The following SEC24B variants were observed in gnomAD, a reference collection of about 807,000 sequenced individuals.
The protein encoded by SEC24B is SEC24 homolog B, COPII component.
A neutral mutation model predicts 142.8 loss-of-function variants in SEC24B; 45 were observed. That is an observed-to-expected ratio of 0.32 (90% confidence interval 0.25 to 0.40). SEC24B has a LOEUF of 0.40. Among genes scored for constraint, SEC24B ranks in the 10% least tolerant of loss-of-function variants. The probability of loss-of-function intolerance (pLI) is 1.00; values close to 1 mark genes in which losing one functional copy is unlikely to be tolerated. For missense variants in SEC24B, 1,409 were observed against 1,526.8 expected, an observed-to-expected ratio of 0.92 and a Z score of 1.29; for synonymous variants, 574 against 568.2, an observed-to-expected ratio of 1.01 and a Z score of -0.15.
intron 6 of SEC24B, among the ~76,000 whole-genome samples, chr4:109,498,996 C>G (rs926538143): frequency 6.6e-6 from 1 of 151,868 alleles, no homozygotes; most frequent in South Asian, 2.1e-4. Context: ...GATATAGATA[C>G]TATATAGCTT....
intron 14 of SEC24B, among the ~76,000 whole-genome samples, chr4:109,524,159 A>G (rs1723963136): frequency 6.6e-6 from 1 of 152,128 alleles, no homozygotes; most frequent in Non-Finnish European, 1.5e-5. Flanking sequence ...TTAACTTTCA[A>G]AAATATTCTC....
intron 14 of SEC24B, among the ~76,000 whole-genome samples, chr4:109,522,325 A>G (rs1723726838): frequency 6.6e-6 from 1 of 152,186 alleles, no homozygotes; most frequent in South Asian, 2.1e-4. Flanking sequence ...TGCTGGGATT[A>G]CAGGCGTGAG....
rs561448494 is a variant in SEC24B at position 109,540,561 on chromosome 4, G to A, written c.*886G>A. ...TATTGAATTTACTAATTGGGGAAGT[G>A]CAGTGATACTGCATTTCAGTTAGTA... On this transcript the variant is annotated 3_prime_UTR_variant, in exon 24 of 24. Coordinates refer to ENST00000265175, the MANE Select transcript of SEC24B (RefSeq NM_006323.5). 1.3e-5 allele frequency: 2 copies of A among 152,212 alleles called. No homozygotes were observed. Among genetic ancestry groups the A allele is most frequent in the East Asian group, 1.9e-4 (1 of 5,176 alleles). The allele number at this position is 152,212 out of a possible 1,614,324, so 9.4% of individuals were successfully genotyped here. A position where few individuals can be genotyped will look rare whatever the true frequency, so the allele number is the denominator to read the frequency against.
chr4:109,518,288 A>G (rs1162712208), intron 11 of SEC24B, among the ~76,000 whole-genome samples: 1 of 152,178 alleles, frequency 6.6e-6, no homozygotes, highest in East Asian at 1.9e-4. Flanking sequence ...TTAAAAATGA[A>G]CCATCCAAAT....
At chr4:109,472,763 TTGA>T (rs1380230471) in intron 2 of SEC24B, among the ~76,000 whole-genome samples, 1 of 151,924 alleles carries the variant, frequency 6.6e-6, no homozygotes, top group Non-Finnish European at 1.5e-5. Context: ...ATTAAAATAT[TTGA>T]TGAGTAATTT....
At position 109,473,036 on chromosome 4, in the gene SEC24B, A is replaced by G. The variant is rs1185846552; in HGVS notation, c.910A>G (p.Asn304Asp). 1.9e-6 allele frequency: 3 copies of G among 1,587,028 alleles called. No homozygotes were observed. Among genetic ancestry groups the G allele is most frequent in the South Asian group, 1.2e-5 (1 of 85,758 alleles). Residue 304 changes from asparagine (N) to aspartate (D), a missense_variant, in exon 3 of 24, where the codon AAT (asparagine) becomes GAT (aspartate). Transcript: ENST00000265175. ...TTCTTTATCCTGTCCTGTTATGCAA[A>G]ATGTTCAGCCTCCCAAGTCCAGCCC... ...ADSLSCPVMQ[N>D]VQPPKSSPVV...
chr4:109,537,733 G>C (rs1470474906), intron 22 of SEC24B, among the ~76,000 whole-genome samples: 3 of 152,142 alleles, frequency 2.0e-5, no homozygotes, highest in African/African-American at 7.2e-5. Flanking sequence ...TTTCAAAAAT[G>C]TGTTTGTATA....
intron 14 of SEC24B, among the ~76,000 whole-genome samples, chr4:109,523,602 T>C (rs879592652): frequency 5.3e-5 from 8 of 152,216 alleles, no homozygotes; most frequent in African/African-American, 1.2e-4. Flanking sequence ...AACAAAAATA[T>C]TCATTTTTCT....
chr4:109,521,973 C>T (rs1372044361), intron 14 of SEC24B, among the ~76,000 whole-genome samples: 4 of 152,026 alleles, frequency 2.6e-5, no homozygotes, highest in Non-Finnish European at 5.9e-5. Flanking sequence ...CCTGGTGATC[C>T]GCCTGCCTCA....
At chr4:109,467,611 G>A (rs1239705474) in intron 2 of SEC24B, among the ~76,000 whole-genome samples, 1 of 152,094 alleles carries the variant, frequency 6.6e-6, no homozygotes, top group African/African-American at 2.4e-5. Context: ...AGCAAGATGA[G>A]TACCAAAACT....
chr4:109,539,442 C>G (rs1285694844), intron 23 of SEC24B, 119 bp from the exon 24 acceptor site: 2 of 673,442 alleles, frequency 3.0e-6, no homozygotes, highest in African/African-American at 3.7e-5. Flanking sequence ...GAAATATGCA[C>G]TTTTATTTTA....
At chr4:109,501,952 A>G (rs1275885800) in intron 6 of SEC24B, among the ~76,000 whole-genome samples, 1 of 152,176 alleles carries the variant, frequency 6.6e-6, no homozygotes, top group Non-Finnish European at 1.5e-5. Context: ...TAAGTAAACA[A>G]ATAAAGAATT....
At chr4:109,439,670 T>A (rs1483634533) in intron 1 of SEC24B, among the ~76,000 whole-genome samples, 4 of 150,006 alleles carry the variant, frequency 2.7e-5, no homozygotes, top group African/African-American at 9.8e-5. Flanking sequence ...CCTGGCTAAT[T>A]TTGTATTTTT....
rs1479373345 is a variant in SEC24B at position 109,453,081 on chromosome 4, A to C, written c.134-9820A>C. ...GGTTCTGTGATGCCCCCTGAACCCT[A>C]AAACCAGCAAGTTTTTATTAGCAAT... is the stretch of plus-strand genomic sequence containing the variant. On this transcript the variant is annotated intron_variant, in intron 1 of 23. Transcript: ENST00000265175. Among the ~76,000 whole-genome samples, 4 of 152,180 alleles carry C rather than the reference A, an allele frequency of 2.6e-5. No individual in the cohort carries two copies. The East Asian group carries it at 7.7e-4, about 29-fold the overall frequency.
chr4:109,479,696 A>G (rs1405831995), intron 3 of SEC24B, among the ~76,000 whole-genome samples: 1 of 152,154 alleles, frequency 6.6e-6, no homozygotes, highest in Non-Finnish European at 1.5e-5. Flanking sequence ...GAGCCTCCCA[A>G]AGTGCTGGGA....
chr4:109,530,895 C>CA (rs35997146), intron 19 of SEC24B, among the ~76,000 whole-genome samples: 1,863 of 45,984 alleles, frequency 0.041, 85 homozygotes, highest in Non-Finnish European at 0.049. Context: ...GACTCCGTCT[C>CA]AAAAAAAAAA....
At chr4:109,436,019 A>C (rs138779093) in intron 1 of SEC24B, among the ~76,000 whole-genome samples, 99 of 152,326 alleles carry the variant, frequency 6.5e-4, no homozygotes, top group African/African-American at 2.3e-3. Context: ...TGGGAAGCCA[A>C]GGCATCGAAG....
chr4:109,445,718 A>G (rs1265001032), intron 1 of SEC24B, among the ~76,000 whole-genome samples: 1 of 151,542 alleles, frequency 6.6e-6, no homozygotes, highest in Non-Finnish European at 1.5e-5. Flanking sequence ...ACAGGCACAA[A>G]CCACCACACC....
At chr4:109,492,469 G>A (rs1735117580) in intron 5 of SEC24B, among the ~76,000 whole-genome samples, 1 of 152,178 alleles carries the variant, frequency 6.6e-6, no homozygotes. Context: ...GTCTAGTGTA[G>A]TATAGTTGAA....
Sources: gnomAD v4.1 joint callset for allele counts (sites outside exome capture counted in the v4.1 genomes callset) on GRCh38, gnomAD v4.1.1 for gene constraint, MANE v1.5 for transcripts, NCBI Gene and HGNC (gene_info 2026-07-23, HGNC 2026-07-21) for gene names.